Variants in GRTP1 observed in about 807,000 individuals in gnomAD.
The protein encoded by GRTP1 is growth hormone regulated TBC protein 1.
A neutral mutation model predicts 38.1 loss-of-function variants in GRTP1; 56 were observed. The ratio of observed to expected loss-of-function variants is 1.47; its 90% CI spans 1.19 to 1.84. The LOEUF (loss-of-function observed/expected upper bound fraction) is 1.84, where lower values mean the gene tolerates loss of function less well. GRTP1 is among the 40% of genes most tolerant of loss of function. GRTP1 has a pLI of 0.00. For missense variants in GRTP1, 506 were observed against 453.9 expected, an observed-to-expected ratio of 1.11 and a Z score of -1.04; for synonymous variants, 217 against 189.5, an observed-to-expected ratio of 1.14 and a Z score of -1.19.
intron 2 of GRTP1, chr13:113,361,697 C>G (rs80014372): frequency 0.089 from 13,527 of 152,194 alleles, 809 homozygotes; most frequent in African/African-American, 0.17. Flanking sequence ...GCGGTCATCT[C>G]TATAGGAGAT....
At chr13:113,346,001 A>AGAACAGACCCAG in intron 4 of GRTP1, among the ~76,000 whole-genome samples, 1 of 130,128 alleles carries the variant, frequency 7.7e-6, no homozygotes, top group East Asian at 2.5e-4. Context: ...AGTGGACCCG[A>AGAACAGACCCAG]GAGGACCTCT....
chr13:113,325,308 G>A lies in GRTP1; in HGVS notation c.921+353C>T, dbSNP rs367650913. 342 of 1,343,210 alleles carry A rather than the reference G, an allele frequency of 2.5e-4. No homozygotes were observed. In the African/African-American group the frequency reaches 4.5e-3, roughly 18 times the overall value. The allele number at this position is 1,343,210 out of a possible 1,614,324, so 83.2% of individuals were successfully genotyped here. On this transcript the variant is annotated intron_variant, in intron 7 of 7. Coordinates refer to ENST00000375431, the MANE Select transcript of GRTP1 (RefSeq NM_024719.4). The stretch of plus-strand genomic sequence containing the variant: ...GCCTGTCAGGTACAGCTCCCACAAC[G>A]CCCTCATCAGGACCTGAGTCTATAC...
chr13:113,333,840 T>TTTATTTATTTA (rs5806977), intron 5 of GRTP1, among the ~76,000 whole-genome samples: 5 of 94,766 alleles, frequency 5.3e-5, no homozygotes, highest in African/African-American at 2.0e-4. Flanking sequence ...ATTTATTTAG[T>TTTATTTATTTA]GTGTGTGTGT....
intron 2 of GRTP1, among the ~76,000 whole-genome samples, chr13:113,360,822 A>G (rs2043482144): frequency 6.6e-6 from 1 of 152,184 alleles, no homozygotes; most frequent in African/African-American, 2.4e-5. Flanking sequence ...TTAACATTAC[A>G]TAAATTAGCC....
intron 5 of GRTP1, among the ~76,000 whole-genome samples, chr13:113,333,261 C>T (rs557850986): frequency 5.3e-5 from 8 of 152,296 alleles, no homozygotes; most frequent in African/African-American, 1.9e-4. Context: ...GGGTTCCTCA[C>T]GTGTAACCCG....
In GRTP1 at chr13:113,350,872, T is replaced by A. The variant is rs1186114994; in HGVS notation, c.442A>T (p.Asn148Tyr). Residue 148 changes from asparagine to tyrosine, a missense_variant, in exon 4 of 8, where the codon AAC (asparagine) becomes TAC (tyrosine). By Grantham distance (143) the Asn-to-Tyr change is moderately radical (BLOSUM62 -2). Transcript: ENST00000375431. ...YNVLLAYGHH[N>Y]QGVGYCQGMN... is the part of the protein sequence containing the mutation. ...ACCTGGCAGTAGCCCACTCCCTGGT[T>A]ATGGTGCCCATATGCCAGCAGCACA... 1 of 1,584,462 alleles carries A rather than the reference T, an allele frequency of 6.3e-7. No individual in the cohort carries two copies. The highest frequency in any genetic ancestry group is 8.6e-7 in the Non-Finnish European group (1 of 1,158,078).
intron 5 of GRTP1, among the ~76,000 whole-genome samples, chr13:113,338,182 C>A (rs547416717): frequency 6.6e-6 from 1 of 152,116 alleles, no homozygotes; most frequent in Non-Finnish European, 1.5e-5. Context: ...CGGGGAGCGG[C>A]GTCTGCACCT....
At chr13:113,330,716 G>T (rs146657005) in intron 5 of GRTP1, among the ~76,000 whole-genome samples, 203 of 288 alleles carry the variant, frequency 0.7, 65 homozygotes, top group East Asian at 1. Context: ...GGAAACCCGG[G>T]TGTGTGCATG....
Position 113,363,823 on chromosome 13 carries a change from G to C in GRTP1, c.120C>G (p.Thr40=). ...KFFSSYLVTL[T]RRAIKWSRLL... is the part of the protein sequence containing the mutation. The stretch of plus-strand genomic sequence containing the variant: ...GCCGGGACCATTTGATCGCCCTGCG[G>C]GTGAGCGTGACCAGGTAGCTGGAGA... The change falls in exon 2 of 8, where the codon ACC becomes ACG. Residue 40 remains threonine, a synonymous_variant. Transcript: ENST00000375431. 1.9e-6 allele frequency: 3 copies of C among 1,612,030 alleles called. No individual in the cohort carries two copies. The highest frequency in any genetic ancestry group is 2.5e-6 in the Non-Finnish European group (3 of 1,179,596).
Position 113,346,001 on chromosome 13 carries a change from A to G in GRTP1, c.466-1042T>C, listed in dbSNP as rs374812033. On this transcript the variant is annotated intron_variant, in intron 4 of 7. Transcript: ENST00000375431. ...ACTTTTGTGGCCGAGAGTGGACCCGAGAGGACCTCTGCGGCTGAGCAGACC... is the reference window on the plus strand; with the variant it reads ...ACTTTTGTGGCCGAGAGTGGACCCGGGAGGACCTCTGCGGCTGAGCAGACC... Among the ~76,000 whole-genome samples, 189 of 130,036 alleles carry G rather than the reference A, an allele frequency of 1.5e-3. No homozygotes were observed. In the South Asian group the frequency reaches 0.016, roughly 11 times the overall value. The allele number at this position is 130,036 out of a possible 152,430, so 85.3% of individuals were successfully genotyped here.
chr13:113,335,555 CCTA>C (rs1326212719), intron 5 of GRTP1, among the ~76,000 whole-genome samples: 1 of 152,140 alleles, frequency 6.6e-6, no homozygotes, highest in African/African-American at 2.4e-5. Flanking sequence ...GTGGGTCTGA[CCTA>C]CTAACACACG....
intron 5 of GRTP1, among the ~76,000 whole-genome samples, chr13:113,326,552 C>T (rs567539353): frequency 2.0e-4 from 30 of 151,924 alleles, no homozygotes; most frequent in Non-Finnish European, 7.4e-5. Flanking sequence ...GCACCTGTAA[C>T]CCCAGCTATT....
At chr13:113,338,710 G>A (rs1391995776) in intron 5 of GRTP1, among the ~76,000 whole-genome samples, 3 of 152,142 alleles carry the variant, frequency 2.0e-5, no homozygotes, top group Non-Finnish European at 4.4e-5. Flanking sequence ...TTCGTTTTGT[G>A]TCACGGGCCT....
chr13:113,343,445 C>G lies in GRTP1; in HGVS notation c.562+1418G>C, dbSNP rs147658051. On this transcript the variant is annotated intron_variant, in intron 5 of 7. Transcript: ENST00000375431. This position sits in a 1 kb window ranked among gnomAD's most constrained non-coding sequence, Gnocchi z 4.8. Reference sequence around the variant, plus strand: ...GCTCCGTCAGGCTGGTCTCTGGCATCCTCATTTCTGCGCCCTTGGGTTGAG... The same window carrying G: ...GCTCCGTCAGGCTGGTCTCTGGCATGCTCATTTCTGCGCCCTTGGGTTGAG... 1.1e-4 allele frequency among the ~76,000 whole-genome samples: 16 copies of G among 152,314 alleles called. No homozygotes were observed. The East Asian group carries it at 3.1e-3, about 29-fold the overall frequency.
chr13:113,353,338 G>C (rs1228687447), intron 3 of GRTP1, among the ~76,000 whole-genome samples: 1 of 152,380 alleles, frequency 6.6e-6, no homozygotes, highest in Admixed American at 6.5e-5. Context: ...ACCCATAACA[G>C]CCGTGCGGCA....
At chr13:113,330,491 CCCAGGTGTGTGCA>C (rs1566415283) in intron 5 of GRTP1, among the ~76,000 whole-genome samples, 1 of 123,056 alleles carries the variant, frequency 8.1e-6, no homozygotes, top group African/African-American at 3.3e-5. Flanking sequence ...TGCATGGGAG[CCCAGGTGTGTGCA>C]TGGGAGCCCA....
intron 5 of GRTP1, among the ~76,000 whole-genome samples, chr13:113,330,525 T>C (rs1369438592): frequency 2.1e-5 from 3 of 140,976 alleles, no homozygotes; most frequent in Admixed American, 6.9e-5. Flanking sequence ...GGTGTGTGCA[T>C]GGAAACCCAG....
rs1244847281 is a variant in GRTP1, at chr13:113,350,926, C to T, written c.388G>A (p.Asp130Asn). ...TACAGGGTCCTCTGTAAGCAGGGGTCCGTGGTCTTCCGGAACTTCACGTTG... is the reference window on the plus strand; with the variant it reads ...TACAGGGTCCTCTGTAAGCAGGGGTTCGTGGTCTTCCGGAACTTCACGTTG... Reference protein sequence around the residue: ...PDNVKFRKTTDPCLQRTLYNV... With the variant: ...PDNVKFRKTTNPCLQRTLYNV... The change falls in exon 4 of 8, where the codon GAC becomes AAC. Residue 130 changes from aspartate to asparagine, a missense_variant. Coordinates refer to ENST00000375431, the MANE Select transcript of GRTP1 (RefSeq NM_024719.4). 6.2e-7 allele frequency: 1 copy of T among 1,613,484 alleles called. No homozygotes were observed. The highest frequency in any genetic ancestry group is 8.5e-7 in the Non-Finnish European group (1 of 1,179,566).
intron 5 of GRTP1, among the ~76,000 whole-genome samples, chr13:113,329,085 G>A (rs1482003299): frequency 3.3e-5 from 5 of 152,268 alleles, no homozygotes; most frequent in Non-Finnish European, 5.9e-5. Flanking sequence ...TCCAGGGTGT[G>A]CGTGACACGT....
Sources: gnomAD v4.1 joint callset for allele counts (sites outside exome capture counted in the v4.1 genomes callset) on GRCh38, gnomAD v4.1.1 for gene constraint, Gnocchi (gnomAD v3.1) non-coding constraint, MANE v1.5 for transcripts, NCBI Gene and HGNC (gene_info 2026-07-23, HGNC 2026-07-21) for gene names.